The following ZFHX4 variants were observed in gnomAD, a reference collection of about 807,000 sequenced individuals.
ZFHX4 encodes the protein zinc finger homeobox 4.
In ZFHX4, 56 loss-of-function variants were observed where a neutral mutation model predicts 267.6. The ratio of observed to expected loss-of-function variants is 0.21; its 90% CI spans 0.17 to 0.26. The LOEUF is 0.26. Ranked by LOEUF, ZFHX4 falls within the 10% of genes least tolerant of loss-of-function variation. The pLI, the probability that ZFHX4 is intolerant of heterozygous loss-of-function variation, is 1.00. For missense variants in ZFHX4, 4,332 were observed against 4,420.0 expected (o/e 0.98, Z 0.56); for synonymous variants, 1,778 against 1,665.6 (o/e 1.07, Z -1.64).
At chr8:76,694,965 C>T (rs919545345) in intron 1 of ZFHX4, among the ~76,000 whole-genome samples, 1 of 151,712 alleles carries the variant, frequency 6.6e-6, no homozygotes, top group African/African-American at 2.4e-5. Context: ...AATGTCAGGA[C>T]CAATGAGTGT....
intron 1 of ZFHX4, among the ~76,000 whole-genome samples, chr8:76,699,509 T>G (rs1808045998): frequency 1.3e-5 from 2 of 152,134 alleles, no homozygotes; most frequent in South Asian, 2.1e-4. Context: ...CAAAGATGTA[T>G]CTGACGTAAC....
intron 3 of ZFHX4, among the ~76,000 whole-genome samples, chr8:76,730,088 T>G (rs183304988): frequency 1.3e-5 from 2 of 152,262 alleles, no homozygotes; most frequent in East Asian, 3.9e-4. Context: ...TCTGGAATAA[T>G]TGAATTAAAA....
intron 1 of ZFHX4, among the ~76,000 whole-genome samples, chr8:76,694,716 G>A (rs1402560610): frequency 2.6e-5 from 2 of 76,848 alleles, no homozygotes; most frequent in African/African-American, 1.0e-4. Context: ...CCCCGCCCCC[G>A]CCCCACCATC....
intron 4 of ZFHX4, among the ~76,000 whole-genome samples, chr8:76,807,939 A>C (rs1437569015): frequency 6.6e-6 from 1 of 152,056 alleles, no homozygotes; most frequent in Non-Finnish European, 1.5e-5. Context: ...CTTCATGAAA[A>C]CCCTGATAAA....
At chr8:76,775,366 T>G (rs1343888945) in intron 3 of ZFHX4, among the ~76,000 whole-genome samples, 2 of 152,184 alleles carry the variant, frequency 1.3e-5, no homozygotes, top group South Asian at 4.1e-4. Flanking sequence ...AAATGTACGC[T>G]GGGTAAGAAA....
At chr8:76,782,260 G>A (rs971481612) in intron 4 of ZFHX4, 2 of 408,286 alleles carry the variant, frequency 4.9e-6, no homozygotes, top group East Asian at 7.3e-5. Flanking sequence ...GATTTATGAG[G>A]TTTAGTTTTC....
intron 3 of ZFHX4, among the ~76,000 whole-genome samples, chr8:76,731,464 A>G (rs1300344432): frequency 6.6e-6 from 1 of 152,172 alleles, no homozygotes; most frequent in African/African-American, 2.4e-5. Flanking sequence ...GAGAGTCAGT[A>G]TAATTGAAGG....
chr8:76,834,303 AC>A (rs1812014637), intron 5 of ZFHX4: 1 of 255,900 alleles, frequency 3.9e-6, no homozygotes, highest in Non-Finnish European at 8.1e-6. Context: ...TTTTGTAAAA[AC>A]CACCAAACTG....
At chr8:76,833,460 T>G (rs892666197) in intron 5 of ZFHX4, 54 bp downstream of exon 5, 3 of 1,342,866 alleles carry the variant, frequency 2.2e-6, no homozygotes, top group Non-Finnish European at 3.1e-6. Context: ...TGAGTTGCTT[T>G]TGTTACTCTC....
intron 10 of ZFHX4, among the ~76,000 whole-genome samples, chr8:76,857,163 T>TA (rs1354010754): frequency 6.6e-6 from 1 of 152,012 alleles, no homozygotes; most frequent in Non-Finnish European, 1.5e-5. Flanking sequence ...TATATTATGT[T>TA]AAAGAAATGG....
chr8:76,747,792 C>T (rs935445231), intron 3 of ZFHX4, among the ~76,000 whole-genome samples: 4 of 151,960 alleles, frequency 2.6e-5, no homozygotes, highest in Admixed American at 6.6e-5. Flanking sequence ...ATTAGCTGGG[C>T]GTGGTGGCAA....
intron 3 of ZFHX4, among the ~76,000 whole-genome samples, chr8:76,769,275 C>T (rs1426415620): frequency 6.6e-6 from 1 of 151,976 alleles, no homozygotes; most frequent in Non-Finnish European, 1.5e-5. Context: ...TCTCAGTGTG[C>T]TTTGCATATT....
intron 3 of ZFHX4, among the ~76,000 whole-genome samples, chr8:76,726,291 T>A (rs2131648475): frequency 6.6e-6 from 1 of 152,294 alleles, no homozygotes; most frequent in African/African-American, 2.4e-5. Flanking sequence ...TGAAGAAGTT[T>A]GTTTTCTTTA....
chr8:76,820,321 T>C (rs1454489002), intron 4 of ZFHX4, among the ~76,000 whole-genome samples: 2 of 152,220 alleles, frequency 1.3e-5, no homozygotes, highest in African/African-American at 4.8e-5. Flanking sequence ...CTGGTAATCA[T>C]TTATGAATTA....
In ZFHX4 at chr8:76,854,297, T is replaced by C; in HGVS notation, c.7376T>C (p.Ile2459Thr). Residue 2459 changes from isoleucine to threonine, a missense_variant, in exon 10 of 11, where the codon ATC becomes ACC. Around this residue, in one of 7 missense-constraint regions of ZFHX4, gnomAD observed 1,648 missense variants for 1,625.0 expected, o/e 1.01. Coordinates refer to ENST00000651372, the MANE Select transcript of ZFHX4 (RefSeq NM_024721.5). ...QPQPPKQPQL[I>T]GRPPSASQTP... ...CAGCCACCAAAACAACCCCAACTTA[T>C]CGGAAGACCTCCCTCGGCCTCTCAA... 6.2e-7 allele frequency: 1 copy of C among 1,607,772 alleles called. No individual in the cohort carries two copies. The highest frequency in any genetic ancestry group is 8.5e-7 in the Non-Finnish European group (1 of 1,176,776).
At chr8:76,835,694 C>T (rs1812075712) in intron 5 of ZFHX4, among the ~76,000 whole-genome samples, 1 of 152,020 alleles carries the variant, frequency 6.6e-6, no homozygotes, top group Non-Finnish European at 1.5e-5. Context: ...TACTCTCCCT[C>T]CCCCACCTCA....
chr8:76,775,668 A>G (rs1810382269), intron 3 of ZFHX4, among the ~76,000 whole-genome samples: 1 of 152,160 alleles, frequency 6.6e-6, no homozygotes, highest in Non-Finnish European at 1.5e-5. Context: ...TCACACCTGC[A>G]GGCTTCCTGG....
At position 76,682,281 on chromosome 8, in the gene ZFHX4, T is replaced by G. The variant is rs151239092; in HGVS notation, c.-47+661T>G. 1.4e-4 allele frequency among the ~76,000 whole-genome samples: 21 copies of G among 152,214 alleles called. No homozygotes were observed. The East Asian group carries it at 4.1e-3, about 30-fold the overall frequency. On this transcript the variant is annotated intron_variant, in intron 1 of 10. Transcript: ENST00000651372. ...ATTCAGCCTCGTTTTTCTTCCTCCT[T>G]TTACCACCCGCCCCTCTTCCCCTTC...
intron 4 of ZFHX4, among the ~76,000 whole-genome samples, chr8:76,793,101 A>T (rs1810882190): frequency 6.6e-6 from 1 of 152,156 alleles, no homozygotes. Flanking sequence ...GGACACTGTA[A>T]CCATACAATA....
Sources: gnomAD v4.1 joint callset for allele counts (sites outside exome capture counted in the v4.1 genomes callset) on GRCh38, gnomAD v4.1.1 for gene constraint, gnomAD v4.1.1 regional missense constraint, MANE v1.5 for transcripts, NCBI Gene and HGNC (gene_info 2026-07-23, HGNC 2026-07-21) for gene names.